ADAM32: variants seen among roughly 807,000 people sequenced by gnomAD.
The protein encoded by ADAM32 is ADAM metallopeptidase domain 32.
A neutral mutation model predicts 114.9 loss-of-function variants in ADAM32; 89 were observed. The ratio of observed to expected loss-of-function variants is 0.77; its 90% CI spans 0.65 to 0.92. The LOEUF is 0.92. ADAM32 is among the 40% of genes least tolerant of loss of function. ADAM32 has a pLI of 0.00. For synonymous variants in ADAM32, 285 were observed against 307.5 expected (o/e 0.93, Z 0.77); for missense variants, 870 against 932.8 (o/e 0.93, Z 0.88).
intron 6 of ADAM32, chr8:39,157,699 T>C: frequency 1.1e-6 from 1 of 924,550 alleles, no homozygotes; most frequent in South Asian, 1.3e-5. Context: ...TCAAGACTTG[T>C]GGAGGATGAG....
intron 2 of ADAM32, among the ~76,000 whole-genome samples, chr8:39,125,984 T>G (rs781089292): frequency 3.9e-5 from 6 of 152,298 alleles, no homozygotes; most frequent in Non-Finnish European, 5.9e-5. Context: ...GCATGCGGTC[T>G]TATTTCTGAG....
Position 39,147,180 on chromosome 8 carries a change from T to C in ADAM32, c.251T>C (p.Met84Thr). The C allele has an allele frequency of 9.8e-7, 1 of 1,022,776 alleles. No individual in the cohort carries two copies. Among genetic ancestry groups the C allele is most frequent in the Non-Finnish European group, 1.3e-6 (1 of 767,240 alleles). 63.4% of individuals were successfully genotyped at this position (1,022,776 alleles called of 1,614,324 possible). The change falls in exon 4 of 25, where the codon ATG becomes ACG. Residue 84 changes from methionine to threonine, a missense_variant. Met to Thr is a moderately conservative substitution (Grantham distance 81). Coordinates refer to ENST00000379907, the MANE Select transcript of ADAM32 (RefSeq NM_145004.7). ...FMIYLYNQGS[M>T]NTYSSDIQTQ... ...ATCTATTTGTACAATCAAGGATCTATGAATACTTATTCTTCAGATATTCAG... is the reference window on the plus strand; with the variant it reads ...ATCTATTTGTACAATCAAGGATCTACGAATACTTATTCTTCAGATATTCAG...
intron 9 of ADAM32, chr8:39,169,700 A>G (rs1029129435): frequency 2.6e-6 from 1 of 386,174 alleles, no homozygotes; most frequent in Non-Finnish European, 4.6e-6. Flanking sequence ...TCTATTAGAT[A>G]TGTTTCAGAT....
At chr8:39,161,554 G>T (rs1380506537) in intron 7 of ADAM32, among the ~76,000 whole-genome samples, 2 of 152,152 alleles carry the variant, frequency 1.3e-5, no homozygotes, top group Non-Finnish European at 2.9e-5. Flanking sequence ...AACTAGGTAT[G>T]TCTTTATTTC....
chr8:39,138,012 AG>A (rs975906546), intron 3 of ADAM32, among the ~76,000 whole-genome samples: 2 of 152,152 alleles, frequency 1.3e-5, no homozygotes, highest in African/African-American at 4.8e-5. Flanking sequence ...GGAGAGGGAT[AG>A]GGCATGTGTA....
intron 2 of ADAM32, among the ~76,000 whole-genome samples, chr8:39,118,772 A>C (rs1002762404): frequency 6.6e-6 from 1 of 152,174 alleles, no homozygotes; most frequent in African/African-American, 2.4e-5. Flanking sequence ...GCAATTTACA[A>C]CACCATAGAG....
intron 24 of ADAM32, 39 bp downstream of exon 24, chr8:39,283,663 G>A: frequency 1.3e-6 from 2 of 1,503,904 alleles, no homozygotes; most frequent in African/African-American, 1.4e-5. Flanking sequence ...ATAAATACAT[G>A]TATAAAATTA....
intron 17 of ADAM32, among the ~76,000 whole-genome samples, chr8:39,248,978 C>T (rs915410218): frequency 1.2e-4 from 18 of 151,198 alleles, no homozygotes; most frequent in African/African-American, 4.1e-4. Flanking sequence ...TCTCGGCTCA[C>T]TGCAAGCTCT....
At chr8:39,268,283 A>G (rs548000294) in intron 19 of ADAM32, among the ~76,000 whole-genome samples, 2 of 152,210 alleles carry the variant, frequency 1.3e-5, no homozygotes, top group African/African-American at 2.4e-5. Context: ...AACTTTACCA[A>G]TTCTGATATT....
At chr8:39,205,442 TCTC>T (rs972822252) in intron 11 of ADAM32, among the ~76,000 whole-genome samples, 9 of 152,156 alleles carry the variant, frequency 5.9e-5, no homozygotes, top group African/African-American at 2.2e-4. Flanking sequence ...TGGGATATAA[TCTC>T]CTGCCGTTTG....
chr8:39,201,245 C>T (rs892587664), intron 11 of ADAM32, among the ~76,000 whole-genome samples: 1 of 152,118 alleles, frequency 6.6e-6, no homozygotes, highest in African/African-American at 2.4e-5. Flanking sequence ...ATTGATTCTT[C>T]CTACCCATGA....
chr8:39,246,089 G>T lies in ADAM32; in HGVS notation c.1825G>T (p.Val609Leu). 1 of 1,613,282 alleles carries T rather than the reference G, an allele frequency of 6.2e-7. No individual in the cohort carries two copies. Among genetic ancestry groups the T allele is most frequent in the East Asian group, 2.2e-5 (1 of 44,776 alleles). ...GSQCDIGRVC[V>L]NRECVESRII... ...TGTATGTGTTTTTCTTTAGGTTTGT[G>T]TAAATCGTGAATGTGTAGAATCAAG... is the stretch of plus-strand genomic sequence containing the variant. The change falls in exon 17 of 25, where the codon GTA becomes TTA. Residue 609 changes from valine (V) to leucine (L), a missense_variant. By Grantham distance (32) the Val-to-Leu change is conservative. Coordinates refer to ENST00000379907, the MANE Select transcript of ADAM32 (RefSeq NM_145004.7).
rs1196480911 is a variant in ADAM32 at position 39,257,324 on chromosome 8, G to T, written c.2143G>T (p.Glu715Ter). ...KQLKKWFAKE[E>*]EFPSSESKSE... ...GTTGAAAAAGTGGTTCGCCAAGGAA[G>T]AGGAATTCCCAAGTAGCGAGTAAAT... is the stretch of plus-strand genomic sequence containing the variant. Residue 715 changes from glutamate (E) to a stop codon, truncating the protein, a stop_gained, in exon 19 of 25, where the codon GAG becomes TAG. Coordinates refer to ENST00000379907, the MANE Select transcript of ADAM32 (RefSeq NM_145004.7). LOFTEE classifies it high-confidence loss of function. 2.5e-6 allele frequency: 4 copies of T among 1,612,980 alleles called. No individual in the cohort carries two copies. The African/African-American group carries it at 5.3e-5, about 22-fold the overall frequency.
At chr8:39,215,532 A>G (rs1808500677) in intron 12 of ADAM32, among the ~76,000 whole-genome samples, 1 of 151,992 alleles carries the variant, frequency 6.6e-6, no homozygotes, top group South Asian at 2.1e-4. Flanking sequence ...AGAGCTATAA[A>G]CATACCTTTT....
intron 2 of ADAM32, among the ~76,000 whole-genome samples, chr8:39,126,161 T>A (rs1442220123): frequency 2.6e-5 from 4 of 152,222 alleles, no homozygotes; most frequent in Non-Finnish European, 5.9e-5. Context: ...TGGGCTCTTT[T>A]TTGGTTCCAT....
At chr8:39,241,450 T>C (rs1257661581) in intron 16 of ADAM32, among the ~76,000 whole-genome samples, 1 of 152,236 alleles carries the variant, frequency 6.6e-6, no homozygotes, top group Non-Finnish European at 1.5e-5. Context: ...AGGTTCTCCA[T>C]GAGGGCTCCA....
chr8:39,235,884 T>C (rs527853630), intron 16 of ADAM32, among the ~76,000 whole-genome samples: 4 of 152,310 alleles, frequency 2.6e-5, no homozygotes, highest in Non-Finnish European at 5.9e-5. Flanking sequence ...AGGTTTATGA[T>C]GCCATTTATC....
At chr8:39,115,823 G>T (rs1280376640) in intron 1 of ADAM32, among the ~76,000 whole-genome samples, 2 of 152,160 alleles carry the variant, frequency 1.3e-5, no homozygotes, top group Non-Finnish European at 2.9e-5. Flanking sequence ...CCAAGACAAA[G>T]ATGTCTAGAA....
intron 19 of ADAM32, among the ~76,000 whole-genome samples, chr8:39,267,770 G>A (rs1812458075): frequency 6.6e-6 from 1 of 152,194 alleles, no homozygotes; most frequent in African/African-American, 2.4e-5. Context: ...AATCTAAGCT[G>A]AACCCGGTTG....
Sources: allele counts gnomAD v4.1 joint callset (sites outside exome capture counted in the v4.1 genomes callset), GRCh38; gene constraint gnomAD v4.1.1; transcripts MANE v1.5; gene names NCBI Gene and HGNC (gene_info 2026-07-23, HGNC 2026-07-21).